Variants in SOHLH2 observed in about 807,000 individuals in gnomAD.
SOHLH2 encodes the protein spermatogenesis and oogenesis specific basic helix-loop-helix 2.
In SOHLH2, 22 loss-of-function variants were observed where a neutral mutation model predicts 50.4. That is an observed-to-expected ratio of 0.44 (90% CI 0.31 to 0.62). The LOEUF (loss-of-function observed/expected upper bound fraction) is 0.62, where lower values mean the gene tolerates loss of function less well. Ranked by LOEUF, SOHLH2 falls within the 20% of genes least tolerant of loss-of-function variation. The pLI, the probability that SOHLH2 is intolerant of heterozygous loss-of-function variation, is 0.08. For missense variants in SOHLH2, 412 were observed against 504.4 expected (o/e 0.82, Z 1.76); for synonymous variants, 185 against 187.3 (o/e 0.99, Z 0.10).
At chr13:36,186,002 T>A (rs1225215700) in intron 6 of SOHLH2, among the ~76,000 whole-genome samples, 3 of 152,160 alleles carry the variant, frequency 2.0e-5, no homozygotes, top group Non-Finnish European at 4.4e-5. Context: ...ATGACCAGTA[T>A]GAGATAAAGA....
Position 36,170,603 on chromosome 13 carries a change from C to G in SOHLH2, c.1185G>C (p.Pro395=), listed in dbSNP as rs376469701. 18 of 1,614,090 alleles carry G rather than the reference C, an allele frequency of 1.1e-5. No homozygotes were observed. The highest frequency in any genetic ancestry group is 8.9e-5 in the East Asian group (4 of 44,876). Residue 395 remains proline (P), a synonymous_variant, in exon 10 of 11, where the codon CCG becomes CCC. Transcript: ENST00000379881. ...ISIHLPSAMP[P]VSKLLPRHCT... ...AGTGCCGAGGGAGAAGCTTTGAGAC[C>G]GGGGGCATGGCTGAAGGTAAATGAA...
chr13:36,196,100 A>G (rs1327575185), intron 2 of SOHLH2, among the ~76,000 whole-genome samples: 1 of 70,796 alleles, frequency 1.4e-5, no homozygotes, highest in Non-Finnish European at 3.2e-5. Flanking sequence ...AGACAGAAAG[A>G]TAGATAGATA....
chr13:36,182,186 AG>A, intron 6 of SOHLH2: 1 of 985,426 alleles, frequency 1.0e-6, no homozygotes, highest in Non-Finnish European at 1.2e-6. Flanking sequence ...CAGGAGCAAA[AG>A]ATGGTAATAC....
rs776180018 is a variant in SOHLH2, at chr13:36,174,831, A to C, written c.680T>G (p.Leu227Arg). ...CTTTCTCCCTTTTACATACGGCAAG[A>C]GAGTACGCAGCTGCTCACAGCAATA... ...IKYCCEQLRT[L>R]LPYVKGRKND... The change falls in exon 7 of 11, where the codon CTC becomes CGC. Residue 227 changes from leucine to arginine, a missense_variant. Transcript: ENST00000379881. 2.1e-5 allele frequency: 33 copies of C among 1,604,080 alleles called. No individual in the cohort carries two copies. Among genetic ancestry groups the C allele is most frequent in the Non-Finnish European group, 2.7e-5 (32 of 1,177,396 alleles).
intron 6 of SOHLH2, among the ~76,000 whole-genome samples, chr13:36,185,122 T>A (rs1260031566): frequency 3.9e-5 from 6 of 152,144 alleles, no homozygotes; most frequent in African/African-American, 1.4e-4. Flanking sequence ...TATGGCTACA[T>A]AGTATTGTGT....
Position 36,170,697 on chromosome 13 carries a change from G to A in SOHLH2, c.1091C>T (p.Thr364Ile). The change falls in exon 10 of 11, where the codon ACT becomes ATT. Residue 364 changes from threonine (T) to isoleucine (I), a missense_variant. Thr to Ile is a moderately conservative substitution (Grantham distance 89, BLOSUM62 -1). Transcript: ENST00000379881. ...SAALSLNSLH[T>I]VRYYSKVTPS... ...GGTGACTTTAGAATAATATCTGACA[G>A]TATGCAAGGAATTCAGAGACAGCGC... 6.2e-7 allele frequency: 1 copy of A among 1,614,226 alleles called. No homozygotes were observed. The highest frequency in any genetic ancestry group is 8.5e-7 in the Non-Finnish European group (1 of 1,180,034).
At chr13:36,201,048 C>CAA (rs10660002) in intron 2 of SOHLH2, among the ~76,000 whole-genome samples, 17,248 of 55,556 alleles carry the variant, frequency 0.31, 2,381 homozygotes, top group Non-Finnish European at 0.36. Context: ...GACTCTGCCT[C>CAA]AAAAAAAAAA....
chr13:36,205,101 T>C (rs1041888758), intron 1 of SOHLH2, among the ~76,000 whole-genome samples: 1 of 152,232 alleles, frequency 6.6e-6, no homozygotes, highest in Non-Finnish European at 1.5e-5. Context: ...GCGCTATTGA[T>C]TTCTGTATAA....
Position 36,201,908 on chromosome 13 carries a change from G to A in SOHLH2, c.234C>T (p.Ala78=), listed in dbSNP as rs376326296. 3.2e-5 allele frequency: 52 copies of A among 1,613,936 alleles called. No individual in the cohort carries two copies. The Middle Eastern group carries it at 6.6e-4, about 20-fold the overall frequency. ...VLLKVPSSLS[A]EELEAIKLIR... ...TTAACTTGATGGCTTCCAGCTCCTCGGCACTTAGTGAAGAAGGCACCTTCA... is the reference window on the plus strand; with the variant it reads ...TTAACTTGATGGCTTCCAGCTCCTCAGCACTTAGTGAAGAAGGCACCTTCA... The change falls in exon 2 of 11, where the codon GCC becomes GCT. Residue 78 remains alanine (A), a synonymous_variant. Transcript: ENST00000379881.
intron 6 of SOHLH2, among the ~76,000 whole-genome samples, chr13:36,180,643 GTTT>G (rs34482342): frequency 1.4e-4 from 20 of 140,858 alleles, no homozygotes; most frequent in African/African-American, 4.2e-4. Flanking sequence ...TTACTTAGAA[GTTT>G]TTTTTTTTTT....
At chr13:36,195,747 T>A (rs1049857446) in intron 2 of SOHLH2, among the ~76,000 whole-genome samples, 16 of 152,158 alleles carry the variant, frequency 1.1e-4, no homozygotes, top group African/African-American at 3.4e-4. Context: ...AATTAATTAC[T>A]TCAGACTAGC....
intron 4 of SOHLH2, among the ~76,000 whole-genome samples, chr13:36,192,831 A>C (rs1425572666): frequency 6.6e-6 from 1 of 152,214 alleles, no homozygotes; most frequent in African/African-American, 2.4e-5. Context: ...TAGACAATAC[A>C]GTATTGTTAA....
At chr13:36,175,952 C>G (rs1887087042) in intron 6 of SOHLH2, among the ~76,000 whole-genome samples, 1 of 152,120 alleles carries the variant, frequency 6.6e-6, no homozygotes, top group South Asian at 2.1e-4. Flanking sequence ...AGGAGTGAAT[C>G]TAAAACACAG....
rs750950483 is a variant in SOHLH2, at chr13:36,191,937, T to C, written c.431-43A>G. ...GGAACTATTTATTTCTGAAGTCACT[T>C]AAGGAGATGACGCTAATCAAACACA... On this transcript the variant is annotated intron_variant, in intron 4 of 10. Coordinates refer to ENST00000379881, the MANE Select transcript of SOHLH2 (RefSeq NM_017826.3). 7.5e-6 allele frequency: 12 copies of C among 1,606,446 alleles called. No homozygotes were observed. The Admixed American group carries it at 8.4e-5, about 11-fold the overall frequency.
At position 36,173,645 on chromosome 13, in the gene SOHLH2, C is replaced by A. The variant is rs762086897; in HGVS notation, c.1000+47G>T. ...CACAGGAGCCTGGGGGTTTGCAGGG[C>A]AGGGCAGGTCCCCCTCTAAGTGGCA... On this transcript the variant is annotated intron_variant, in intron 9 of 10. Transcript: ENST00000379881. 3.7e-6 allele frequency: 6 copies of A among 1,608,132 alleles called. No homozygotes were observed. In the South Asian group the frequency reaches 4.4e-5, roughly 12 times the overall value.
intron 1 of SOHLH2, among the ~76,000 whole-genome samples, chr13:36,203,735 T>C (rs535755581): frequency 4.2e-4 from 64 of 152,266 alleles, no homozygotes; most frequent in African/African-American, 1.5e-3. Flanking sequence ...TTATCCTTTT[T>C]ATTGGCATTT....
intron 1 of SOHLH2, among the ~76,000 whole-genome samples, chr13:36,209,579 TC>T (rs1868986033): frequency 6.6e-6 from 1 of 152,184 alleles, no homozygotes; most frequent in Admixed American, 6.5e-5. Context: ...AAGGCACTAA[TC>T]CCATTCACAA....
chr13:36,183,983 T>C (rs1887330310), intron 6 of SOHLH2, among the ~76,000 whole-genome samples: 1 of 152,138 alleles, frequency 6.6e-6, no homozygotes, highest in Non-Finnish European at 1.5e-5. Context: ...GAGCAGAATA[T>C]ATGAAAAACA....
At chr13:36,193,987 A>C (rs1011037187) in intron 2 of SOHLH2, 120 bp from the exon 3 acceptor site, 1 of 878,952 alleles carries the variant, frequency 1.1e-6, no homozygotes, top group South Asian at 2.4e-5. Context: ...TAGAATTTAA[A>C]ATAATATCAT....
Sources: allele counts gnomAD v4.1 joint callset (sites outside exome capture counted in the v4.1 genomes callset), GRCh38; gene constraint gnomAD v4.1.1; transcripts MANE v1.5; gene names NCBI Gene and HGNC (gene_info 2026-07-23, HGNC 2026-07-21).